GNAQ: variants seen among roughly 807,000 people sequenced by gnomAD.
GNAQ encodes guanine nucleotide-binding protein G(q) subunit alpha.
A neutral mutation model predicts 43.9 loss-of-function variants in GNAQ; 8 were observed. The ratio of observed to expected loss-of-function variants is 0.18; its 90% CI spans 0.11 to 0.33. GNAQ has a LOEUF of 0.33. GNAQ is among the 10% of genes least tolerant of loss of function. GNAQ has a pLI of 1.00. For missense variants in GNAQ, 158 were observed against 450.8 expected, an observed-to-expected ratio of 0.35 and a Z score of 5.88; for synonymous variants, 155 against 170.7, an observed-to-expected ratio of 0.91 and a Z score of 0.71.
intron 2 of GNAQ, among the ~76,000 whole-genome samples, chr9:77,875,341 C>T (rs1828110243): frequency 6.6e-6 from 1 of 152,186 alleles, no homozygotes; most frequent in African/African-American, 2.4e-5. Context: ...TAAGTGTAAA[C>T]ATAAATATAA....
At chr9:77,784,801 T>C (rs1015112489) in intron 5 of GNAQ, among the ~76,000 whole-genome samples, 1 of 152,212 alleles carries the variant, frequency 6.6e-6, no homozygotes, top group Non-Finnish European at 1.5e-5. Flanking sequence ...AAAACTGACA[T>C]AGAATTAAAT....
At position 77,721,353 on chromosome 9, in the gene GNAQ, C is replaced by T; in HGVS notation, c.1050G>A (p.Gln350=). The change falls in exon 7 of 7, where the codon CAG becomes CAA. Residue 350 remains glutamine (Q), a synonymous_variant. Transcript: ENST00000286548. ...CCAGATTGTACTCCTTCAGGTTCAA[C>T]TGGAGGATGGTGTCCTTGACGGCAG... ...VFAAVKDTIL[Q]LNLKEYNLV 6.2e-7 allele frequency: 1 copy of T among 1,611,786 alleles called. No homozygotes were observed. Among genetic ancestry groups the T allele is most frequent in the Non-Finnish European group, 8.5e-7 (1 of 1,178,898 alleles).
intron 1 of GNAQ, among the ~76,000 whole-genome samples, chr9:77,962,909 A>C (rs952781346): frequency 1.6e-4 from 25 of 151,856 alleles, no homozygotes; most frequent in Admixed American, 8.5e-4. Context: ...AAAAAAAAAA[A>C]AAAAAACAGT....
chr9:77,831,848 C>T (rs1336950458), intron 2 of GNAQ, among the ~76,000 whole-genome samples: 2 of 152,142 alleles, frequency 1.3e-5, no homozygotes, highest in Non-Finnish European at 2.9e-5. Context: ...TATTCATGAA[C>T]ACTTTTATGT....
chr9:77,905,990 A>C (rs1828701702), intron 2 of GNAQ, among the ~76,000 whole-genome samples: 1 of 152,176 alleles, frequency 6.6e-6, no homozygotes, highest in Admixed American at 6.6e-5. Context: ...CATGGGGCTT[A>C]AAACCTAGAT....
chr9:77,896,052 C>A (rs551123827), intron 2 of GNAQ, among the ~76,000 whole-genome samples: 2 of 152,080 alleles, frequency 1.3e-5, no homozygotes, highest in South Asian at 4.1e-4. Context: ...TTAGAAAATA[C>A]CTAAAATTTT....
chr9:77,816,564 C>T (rs535125836), intron 2 of GNAQ, among the ~76,000 whole-genome samples: 1 of 152,160 alleles, frequency 6.6e-6, no homozygotes, highest in South Asian at 2.1e-4. Context: ...GCCTAACAAT[C>T]CAAATCAAAC....
intron 2 of GNAQ, among the ~76,000 whole-genome samples, chr9:77,836,703 T>A (rs1290241285): frequency 6.6e-6 from 1 of 152,202 alleles, no homozygotes; most frequent in Non-Finnish European, 1.5e-5. Context: ...TACTAAATCC[T>A]GTATCTGCTG....
chr9:78,003,819 A>T (rs1187993371), intron 1 of GNAQ, among the ~76,000 whole-genome samples: 2 of 152,004 alleles, frequency 1.3e-5, no homozygotes, highest in Admixed American at 6.6e-5. Flanking sequence ...GTCTAAAAAA[A>T]AAAAAAAGAA....
At chr9:77,959,389 A>G (rs988375090) in intron 1 of GNAQ, among the ~76,000 whole-genome samples, 2 of 152,164 alleles carry the variant, frequency 1.3e-5, no homozygotes, top group African/African-American at 4.8e-5. Flanking sequence ...TTCATCCTTC[A>G]TACTTACAGA....
intron 2 of GNAQ, among the ~76,000 whole-genome samples, chr9:77,869,517 G>C (rs1828002109): frequency 2.0e-5 from 3 of 152,100 alleles, no homozygotes. Context: ...ACCAGAATTG[G>C]TAAACAACCA....
chr9:77,755,792 T>A (rs1022573131), intron 5 of GNAQ, among the ~76,000 whole-genome samples: 2 of 152,200 alleles, frequency 1.3e-5, no homozygotes, highest in African/African-American at 2.4e-5. Flanking sequence ...TTGAAGATTA[T>A]GTATGATTTC....
intron 1 of GNAQ, among the ~76,000 whole-genome samples, chr9:77,953,410 T>C (rs1823006002): frequency 6.6e-6 from 1 of 152,232 alleles, no homozygotes; most frequent in Non-Finnish European, 1.5e-5. Context: ...AATCATTCAG[T>C]GTCTTTAAGA....
intron 5 of GNAQ, among the ~76,000 whole-genome samples, chr9:77,766,760 A>G (rs1826142930): frequency 1.3e-5 from 2 of 152,178 alleles, no homozygotes; most frequent in South Asian, 4.1e-4. Context: ...ACTAGTGACA[A>G]CTGGAGCTGC....
chr9:77,830,406 A>G (rs139430760), intron 2 of GNAQ, among the ~76,000 whole-genome samples: 5 of 152,340 alleles, frequency 3.3e-5, no homozygotes, highest in Non-Finnish European at 5.9e-5. Flanking sequence ...AAGTTTTGTC[A>G]TATTTAATGC....
At chr9:77,990,117 G>A (rs1231317320) in intron 1 of GNAQ, among the ~76,000 whole-genome samples, 3 of 152,180 alleles carry the variant, frequency 2.0e-5, no homozygotes, top group Non-Finnish European at 2.9e-5. Flanking sequence ...ATAAGAAGAA[G>A]GTTGGAAAGA....
At chr9:77,940,489 G>C (rs1829298857) in intron 1 of GNAQ, among the ~76,000 whole-genome samples, 1 of 152,112 alleles carries the variant, frequency 6.6e-6, no homozygotes, top group Non-Finnish European at 1.5e-5. Flanking sequence ...TGAGGGGAGA[G>C]GATCACTTGA....
intron 5 of GNAQ, among the ~76,000 whole-genome samples, chr9:77,738,206 T>C (rs1825601722): frequency 6.6e-6 from 1 of 152,230 alleles, no homozygotes; most frequent in African/African-American, 2.4e-5. Context: ...GTATACACGG[T>C]TGTGTGCAAA....
chr9:77,999,700 G>C (rs530295864), intron 1 of GNAQ, among the ~76,000 whole-genome samples: 3 of 152,274 alleles, frequency 2.0e-5, no homozygotes, highest in Non-Finnish European at 4.4e-5. Context: ...ACTGTGCTAG[G>C]AGCTGATGAT....
Sources: allele counts gnomAD v4.1 joint callset (sites outside exome capture counted in the v4.1 genomes callset), GRCh38; gene constraint gnomAD v4.1.1; transcripts MANE v1.5; gene names NCBI Gene and HGNC (gene_info 2026-07-23, HGNC 2026-07-21).